Variants in GRIK1 observed in about 807,000 individuals in gnomAD.
The protein encoded by GRIK1 is glutamate ionotropic receptor kainate type subunit 1.
GRIK1 carries 69 observed loss-of-function variants against 105.7 expected under a neutral mutation model. The ratio of observed to expected loss-of-function variants is 0.65; its 90% confidence interval spans 0.54 to 0.80. GRIK1 has a LOEUF of 0.80. GRIK1 is among the 30% of genes least tolerant of loss of function. GRIK1 has a pLI of 0.00. For missense variants in GRIK1, 1,109 were observed against 1,167.3 expected, an observed-to-expected ratio of 0.95 and a Z score of 0.73; for synonymous variants, 438 against 431.3, an observed-to-expected ratio of 1.02 and a Z score of -0.19.
intron 1 of GRIK1, among the ~76,000 whole-genome samples, chr21:29,769,151 T>G (rs1473007747): frequency 6.6e-6 from 1 of 152,080 alleles, no homozygotes; most frequent in Non-Finnish European, 1.5e-5. Context: ...TAGGTAGAAT[T>G]GTGACAAGCA....
chr21:29,597,517 A>AATT, intron 8 of GRIK1: 2 of 250,318 alleles, frequency 8.0e-6, no homozygotes, highest in Admixed American at 9.3e-5. Flanking sequence ...TTCTTAAAAA[A>AATT]ATTATAGGCT....
At chr21:29,786,247 A>G (rs1462843999) in intron 1 of GRIK1, among the ~76,000 whole-genome samples, 1 of 152,192 alleles carries the variant, frequency 6.6e-6, no homozygotes, top group Non-Finnish European at 1.5e-5. Flanking sequence ...TCAGCCTCCC[A>G]AAGTGTTGGG....
intron 1 of GRIK1, among the ~76,000 whole-genome samples, chr21:29,729,143 T>G (rs1283577817): frequency 7.9e-5 from 12 of 152,170 alleles, no homozygotes; most frequent in African/African-American, 2.7e-4. Context: ...CATAATGTGT[T>G]GGAAATACCA....
chr21:29,672,954 C>T (rs757023912), intron 4 of GRIK1, 29 bp downstream of exon 4: 2 of 1,523,672 alleles, frequency 1.3e-6, no homozygotes, highest in Non-Finnish European at 1.8e-6. Flanking sequence ...ATTTATCCCA[C>T]ACCTCCACCT....
chr21:29,775,685 G>T (rs1311191374), intron 1 of GRIK1, among the ~76,000 whole-genome samples: 1 of 152,138 alleles, frequency 6.6e-6, no homozygotes, highest in Non-Finnish European at 1.5e-5. Flanking sequence ...TGTTACCATG[G>T]TGATCAGTTG....
chr21:29,575,639 C>A (rs1330938365), intron 14 of GRIK1, among the ~76,000 whole-genome samples: 1 of 152,068 alleles, frequency 6.6e-6, no homozygotes, highest in African/African-American at 2.4e-5. Flanking sequence ...CAAGACCAGC[C>A]TGGCCAATAT....
At chr21:29,544,926 C>T (rs1212324449) in intron 16 of GRIK1, among the ~76,000 whole-genome samples, 1 of 152,198 alleles carries the variant, frequency 6.6e-6, no homozygotes, top group African/African-American at 2.4e-5. Context: ...GGGGCAAACT[C>T]CCATGCAGCC....
chr21:29,643,756 C>T (rs1025461404), intron 6 of GRIK1, among the ~76,000 whole-genome samples: 5 of 152,174 alleles, frequency 3.3e-5, no homozygotes, highest in East Asian at 1.9e-4. Context: ...TTATAATACC[C>T]TTGCATTTCA....
intron 1 of GRIK1, among the ~76,000 whole-genome samples, chr21:29,714,860 T>C (rs2255985): frequency 0.81 from 122,539 of 152,166 alleles, 52,483 homozygotes; most frequent in Non-Finnish European, 0.95. Flanking sequence ...TAACACTAAA[T>C]GAGGGCAATC....
At chr21:29,583,004 T>C (rs539376347) in intron 12 of GRIK1, among the ~76,000 whole-genome samples, 1 of 152,200 alleles carries the variant, frequency 6.6e-6, no homozygotes, top group Non-Finnish European at 1.5e-5. Flanking sequence ...TTCCTCCTCA[T>C]GAAAAACCAT....
chr21:29,538,629 T>G (rs566520883), intron 16 of GRIK1, among the ~76,000 whole-genome samples: 2 of 152,212 alleles, frequency 1.3e-5, no homozygotes, highest in Admixed American at 1.3e-4. Context: ...GTTATAGAAG[T>G]GCAAGCATAC....
chr21:29,788,799 C>G (rs2066333120), intron 1 of GRIK1, among the ~76,000 whole-genome samples: 1 of 152,124 alleles, frequency 6.6e-6, no homozygotes, highest in South Asian at 2.1e-4. Context: ...AGCCTGTAGC[C>G]TAGATCCCTC....
chr21:29,737,096 C>A (rs1569031693), intron 1 of GRIK1, among the ~76,000 whole-genome samples: 1 of 152,126 alleles, frequency 6.6e-6, no homozygotes, highest in Non-Finnish European at 1.5e-5. Flanking sequence ...GTTTTACCCA[C>A]AATATGAAAG....
At chr21:29,573,993 C>T (rs1017794676) in intron 14 of GRIK1, among the ~76,000 whole-genome samples, 2 of 152,184 alleles carry the variant, frequency 1.3e-5, no homozygotes, top group African/African-American at 4.8e-5. Flanking sequence ...AAGTTCCACA[C>T]TTGACCTCAT....
intron 14 of GRIK1, among the ~76,000 whole-genome samples, chr21:29,573,531 G>A (rs1474640005): frequency 6.6e-6 from 1 of 152,060 alleles, no homozygotes; most frequent in African/African-American, 2.4e-5. Flanking sequence ...CTTGAGGTCA[G>A]GAGTTTGAGA....
chr21:29,761,651 C>A (rs952514587), intron 1 of GRIK1, among the ~76,000 whole-genome samples: 6 of 152,052 alleles, frequency 3.9e-5, no homozygotes, highest in Admixed American at 1.3e-4. Context: ...TCTATTTATG[C>A]CTTTACAATT....
rs577769704 is a variant in GRIK1 at position 29,666,940 on chromosome 21, A to C, written c.726+6043T>G. On this transcript the variant is annotated intron_variant, in intron 4 of 17. Coordinates refer to ENST00000327783, the MANE Select transcript of GRIK1 (RefSeq NM_001330994.2). ...CTTGCTAGCTTTGTGACCTTGGGCA[A>C]GTTACAAAATCTCTCTGGGCTCTGT... 2.0e-5 allele frequency among the ~76,000 whole-genome samples: 3 copies of C among 152,328 alleles called. No homozygotes were observed. The East Asian group carries it at 5.8e-4, about 29-fold the overall frequency.
At chr21:29,872,612 T>C (rs1251001427) in intron 1 of GRIK1, among the ~76,000 whole-genome samples, 1 of 152,128 alleles carries the variant, frequency 6.6e-6, no homozygotes, top group African/African-American at 2.4e-5. Context: ...AACTGAGTAA[T>C]TTTTAAGAAA....
chr21:29,653,204 A>T (rs2062778208), intron 5 of GRIK1, among the ~76,000 whole-genome samples: 1 of 152,214 alleles, frequency 6.6e-6, no homozygotes, highest in African/African-American at 2.4e-5. Flanking sequence ...CACTCAGTGA[A>T]TAGAAAGACA....
Sources: gnomAD v4.1 joint callset for allele counts (sites outside exome capture counted in the v4.1 genomes callset) on GRCh38, gnomAD v4.1.1 for gene constraint, MANE v1.5 for transcripts, NCBI Gene and HGNC (gene_info 2026-07-23, HGNC 2026-07-21) for gene names.